The following ANKFN1 variants were observed in gnomAD, a reference collection of about 807,000 sequenced individuals.
ANKFN1 encodes the protein ankyrin repeat and fibronectin type III domain containing 1, also known as ankyrin repeat and fibronectin type-III domain-containing protein 1.
Under a neutral mutation model 108.7 loss-of-function variants are expected in ANKFN1, and 74 were observed. The ratio of observed to expected loss-of-function variants is 0.68; its 90% CI spans 0.56 to 0.83. The LOEUF (loss-of-function observed/expected upper bound fraction) is 0.83. Among genes scored for constraint, ANKFN1 ranks in the 40% least tolerant of loss-of-function variants. ANKFN1 has a pLI of 0.00. For synonymous variants in ANKFN1, 547 were observed against 516.2 expected (o/e 1.06, Z -0.81); for missense variants, 1,505 against 1,382.3 (o/e 1.09, Z -1.41).
chr17:56,293,859 C>G (rs1246490706), intron 3 of ANKFN1, among the ~76,000 whole-genome samples: 3 of 152,130 alleles, frequency 2.0e-5, no homozygotes, highest in Non-Finnish European at 4.4e-5. Flanking sequence ...CTCTTATAGT[C>G]CCAGCACCTC....
chr17:56,160,326 CAA>C (rs1216606916), intron 1 of ANKFN1, among the ~76,000 whole-genome samples: 2 of 152,312 alleles, frequency 1.3e-5, no homozygotes, highest in Admixed American at 6.5e-5. Flanking sequence ...ACAAACTCTG[CAA>C]GTTTCTAGGA....
chr17:56,373,978 C>T (rs2046879757), intron 7 of ANKFN1, among the ~76,000 whole-genome samples: 1 of 152,150 alleles, frequency 6.6e-6, no homozygotes, highest in African/African-American at 2.4e-5. Context: ...ATGACATCCA[C>T]CCATAAATTT....
chr17:56,111,447 T>C (rs1905956035), intron 4 of ANKFN1, among the ~76,000 whole-genome samples: 1 of 152,090 alleles, frequency 6.6e-6, no homozygotes. Flanking sequence ...TCATACTGCT[T>C]TTTGCTGAAG....
chr17:56,165,746 C>A (rs562945845), intron 1 of ANKFN1, among the ~76,000 whole-genome samples: 1 of 152,236 alleles, frequency 6.6e-6, no homozygotes, highest in South Asian at 2.1e-4. Context: ...TGGGATTAGT[C>A]TGGGTTTTCT....
Position 56,511,711 on chromosome 17 carries a change from A to G in ANKFN1, c.*442A>G, listed in dbSNP as rs2051778844. On this transcript the variant is annotated 3_prime_UTR_variant, in exon 21 of 21. Transcript: ENST00000682825. ...TAGCATCATTTCTCCCTCCATTCCA[A>G]ACCTTAAGAAGAGTTTGAGGGAAAG... 1 of 154,740 alleles carries G rather than the reference A, an allele frequency of 6.5e-6. No homozygotes were observed. The allele number at this position is 154,740 out of a possible 1,614,324, so 9.6% of individuals were successfully genotyped here.
chr17:56,269,312 T>C (rs998934522), intron 3 of ANKFN1, among the ~76,000 whole-genome samples: 1 of 152,206 alleles, frequency 6.6e-6, no homozygotes, highest in African/African-American at 2.4e-5. Context: ...TTAAAGTCAC[T>C]CACAACCCTT....
chr17:56,504,238 T>A (rs1015674882), intron 20 of ANKFN1, among the ~76,000 whole-genome samples: 10 of 152,156 alleles, frequency 6.6e-5, no homozygotes. Context: ...GAGATAATAT[T>A]TACCCCTTAA....
At chr17:56,322,053 T>A (rs891977877) in intron 3 of ANKFN1, among the ~76,000 whole-genome samples, 1 of 152,168 alleles carries the variant, frequency 6.6e-6, no homozygotes, top group African/African-American at 2.4e-5. Flanking sequence ...TGGTGCTAAA[T>A]GGGTTCTTCA....
intron 10 of ANKFN1, among the ~76,000 whole-genome samples, chr17:56,445,912 C>G (rs1210149596): frequency 2.0e-5 from 3 of 152,144 alleles, no homozygotes; most frequent in African/African-American, 4.8e-5. Flanking sequence ...GAACAGTGAG[C>G]TGTATTATGT....
At chr17:56,259,158 A>G (rs2043437711) in intron 3 of ANKFN1, among the ~76,000 whole-genome samples, 1 of 152,170 alleles carries the variant, frequency 6.6e-6, no homozygotes, top group African/African-American at 2.4e-5. Flanking sequence ...TAACAGGCCT[A>G]AAATCATCAG....
At chr17:56,180,715 C>G (rs1206277452) in intron 1 of ANKFN1, among the ~76,000 whole-genome samples, 2 of 152,120 alleles carry the variant, frequency 1.3e-5, no homozygotes, top group African/African-American at 4.8e-5. Context: ...CTTATGTCTT[C>G]AAGTTAAAAG....
At chr17:56,081,614 A>C (rs1416166411) in intron 4 of ANKFN1, among the ~76,000 whole-genome samples, 1 of 152,120 alleles carries the variant, frequency 6.6e-6, no homozygotes, top group Non-Finnish European at 1.5e-5. Context: ...CAGCCTCCCA[A>C]AGTACTGGGA....
At chr17:56,288,706 G>C (rs1373809774) in intron 3 of ANKFN1, among the ~76,000 whole-genome samples, 1 of 152,084 alleles carries the variant, frequency 6.6e-6, no homozygotes, top group Non-Finnish European at 1.5e-5. Context: ...TTTCTCTTAT[G>C]GGCTAGCCCA....
intron 4 of ANKFN1, among the ~76,000 whole-genome samples, chr17:56,082,372 C>T (rs566476856): frequency 5.9e-5 from 9 of 151,874 alleles, no homozygotes; most frequent in East Asian, 1.9e-4. Flanking sequence ...TGAATCTCCA[C>T]GGGCTCTATT....
At chr17:56,196,726 G>A (rs1297231831) in intron 1 of ANKFN1, among the ~76,000 whole-genome samples, 1 of 152,118 alleles carries the variant, frequency 6.6e-6, no homozygotes, top group African/African-American at 2.4e-5. Context: ...GGGTGACAGA[G>A]CAAGACCCTG....
rs371629746 is a variant in ANKFN1, at chr17:56,410,225, G to A, written c.911-30102G>A. Among the ~76,000 whole-genome samples the A allele has an allele frequency of 2.0e-4, 30 of 152,222 alleles. 9 individuals carry two copies. Among genetic ancestry groups the A allele is most frequent in the East Asian group, 9.7e-4 (5 of 5,170 alleles). On this transcript the variant is annotated intron_variant, in intron 8 of 20. Transcript: ENST00000682825. ...CGAGTAACTGGGACTACAGGCATGT[G>A]CCACCACGCCCAGCTAATTTTTGCA...
rs2050549127 is a variant in ANKFN1 at position 56,477,598 on chromosome 17, A to G, written c.1884A>G (p.Gln628=). ...SVDQIKVLVT[Q]KLPNILCHVK... ...ATCAAATCAAAGTTCTTGTTACCCA[A>G]AAGTTGCCCAACATTCTCTGCCACG... The change falls in exon 16 of 21, where the codon CAA becomes CAG. Residue 628 remains glutamine, a synonymous_variant. Coordinates refer to ENST00000682825, the MANE Select transcript of ANKFN1 (RefSeq NM_001370326.1). 1.2e-6 allele frequency: 2 copies of G among 1,613,782 alleles called. No homozygotes were observed. Among genetic ancestry groups the G allele is most frequent in the Admixed American group, 1.7e-5 (1 of 59,980 alleles).
At chr17:56,328,858 T>C (rs2045590354) in intron 4 of ANKFN1, among the ~76,000 whole-genome samples, 1 of 152,124 alleles carries the variant, frequency 6.6e-6, no homozygotes, top group East Asian at 1.9e-4. Flanking sequence ...GGTTTCCTGA[T>C]CTCTCTAGCC....
intron 18 of ANKFN1, among the ~76,000 whole-genome samples, chr17:56,490,966 T>C (rs1279912470): frequency 4.6e-5 from 7 of 152,074 alleles, no homozygotes; most frequent in Non-Finnish European, 4.4e-5. Context: ...TAGCCAGTGG[T>C]AACATGGGAA....
Sources: gnomAD v4.1 joint callset for allele counts (sites outside exome capture counted in the v4.1 genomes callset) on GRCh38, gnomAD v4.1.1 for gene constraint, MANE v1.5 for transcripts, NCBI Gene and HGNC (gene_info 2026-07-23, HGNC 2026-07-21) for gene names.